Variants in COL19A1 observed in about 807,000 individuals in gnomAD.
COL19A1 encodes the protein collagen alpha-1(XIX) chain.
In COL19A1, 159 loss-of-function variants were observed where a neutral mutation model predicts 190.2. The ratio of observed to expected loss-of-function variants is 0.84; its 90% CI spans 0.73 to 0.95. The LOEUF (loss-of-function observed/expected upper bound fraction) is 0.95, where lower values mean the gene tolerates loss of function less well. COL19A1 is among the 40% of genes least tolerant of loss of function. COL19A1 has a pLI of 0.00. For missense variants in COL19A1, 1,418 were observed against 1,431.9 expected, an observed-to-expected ratio of 0.99 and a Z score of 0.16; for synonymous variants, 509 against 458.9, an observed-to-expected ratio of 1.11 and a Z score of -1.39.
At chr6:70,159,264 T>G (rs1354972082) in intron 34 of COL19A1, among the ~76,000 whole-genome samples, 4 of 152,040 alleles carry the variant, frequency 2.6e-5, no homozygotes, top group Non-Finnish European at 5.9e-5. Context: ...ATTTATAATC[T>G]CCAGTCATTT....
In COL19A1 at chr6:70,152,988, C is replaced by A. The variant is rs544137741; in HGVS notation, c.2079+1550C>A. On this transcript the variant is annotated intron_variant, in intron 31 of 50. Coordinates refer to ENST00000620364, the MANE Select transcript of COL19A1 (RefSeq NM_001858.6). The stretch of plus-strand genomic sequence containing the variant: ...AAGTGGAACTAATTGACAATCTCGC[C>A]CGGGAATCATCCCTCTAATGAGTGT... Among the ~76,000 whole-genome samples the A allele has an allele frequency of 1.5e-4, 23 of 152,176 alleles. No individual in the cohort carries two copies. In the South Asian group the frequency reaches 4.1e-3, roughly 27 times the overall value.
At chr6:69,898,891 T>A in intron 2 of COL19A1, 57 bp from the exon 3 acceptor site, 1 of 988,582 alleles carries the variant, frequency 1.0e-6, no homozygotes. Context: ...GATTGTACTG[T>A]GTAATTAAAA....
intron 2 of COL19A1, among the ~76,000 whole-genome samples, chr6:69,884,271 G>T (rs1181039652): frequency 6.6e-6 from 1 of 151,496 alleles, no homozygotes; most frequent in Non-Finnish European, 1.5e-5. Context: ...GGAGGCAGAG[G>T]TTGCAGTGAG....
chr6:70,075,714 A>G (rs1017503242), intron 15 of COL19A1, among the ~76,000 whole-genome samples: 3 of 152,078 alleles, frequency 2.0e-5, no homozygotes, highest in Non-Finnish European at 4.4e-5. Context: ...TTTCACTCTA[A>G]CTAGTGGTCT....
At chr6:70,076,883 A>C (rs1216894343) in intron 15 of COL19A1, among the ~76,000 whole-genome samples, 1 of 152,212 alleles carries the variant, frequency 6.6e-6, no homozygotes, top group Admixed American at 6.5e-5. Flanking sequence ...AGAACATTAC[A>C]CTGAACACGT....
chr6:70,177,213 C>G (rs1475323753), intron 42 of COL19A1, among the ~76,000 whole-genome samples: 1 of 152,186 alleles, frequency 6.6e-6, no homozygotes, highest in African/African-American at 2.4e-5. Context: ...TGTGGTCACG[C>G]TTTATGAATA....
At chr6:69,874,177 G>A (rs1767995753) in intron 1 of COL19A1, among the ~76,000 whole-genome samples, 1 of 152,172 alleles carries the variant, frequency 6.6e-6, no homozygotes, top group Non-Finnish European at 1.5e-5. Context: ...AGAAGCCTGA[G>A]AACCGCAGGT....
intron 25 of COL19A1, among the ~76,000 whole-genome samples, chr6:70,145,528 G>C (rs1309375685): frequency 6.6e-6 from 1 of 152,042 alleles, no homozygotes; most frequent in Non-Finnish European, 1.5e-5. Flanking sequence ...GACTACTGAT[G>C]GGGGAGAGTT....
At chr6:69,873,479 A>G (rs1767956529) in intron 1 of COL19A1, among the ~76,000 whole-genome samples, 1 of 152,182 alleles carries the variant, frequency 6.6e-6, no homozygotes, top group Non-Finnish European at 1.5e-5. Context: ...AAAAAAAATG[A>G]GGGATGAACT....
intron 2 of COL19A1, among the ~76,000 whole-genome samples, chr6:69,885,728 A>AT (rs56371611): frequency 0.47 from 70,596 of 151,734 alleles, 16,784 homozygotes; most frequent in Middle Eastern, 0.56. Context: ...ATCACACAAT[A>AT]TTTTTTTTCC....
chr6:70,048,658 C>A (rs1440510480), intron 14 of COL19A1, among the ~76,000 whole-genome samples: 1 of 151,978 alleles, frequency 6.6e-6, no homozygotes, highest in Non-Finnish European at 1.5e-5. Flanking sequence ...TTATTTTTTA[C>A]CAGAATTCTT....
intron 13 of COL19A1, among the ~76,000 whole-genome samples, chr6:70,035,466 T>C (rs577641642): frequency 3.8e-4 from 58 of 152,334 alleles, no homozygotes; most frequent in Non-Finnish European, 1.6e-4. Flanking sequence ...GCCATGGGAC[T>C]GCTTCTTGCA....
rs1784905406 is a variant in COL19A1 at position 70,121,912 on chromosome 6, TC to T, written c.1312del (p.Gly439ValfsTer19). ...PPGIQGIHQTLGGYYNKDNKG... is the reference protein window; with the variant it reads ...PPGIQGIHQTXGGYYNKDNKG... Reference sequence around the variant, plus strand: ...CTGGAATACAAGGAATACACCAAACTCTTGGTGGATATTATAACAAGGATAA... The same window carrying T: ...CTGGAATACAAGGAATACACCAAACTTTGGTGGATATTATAACAAGGATAA... On this transcript the variant is annotated frameshift_variant, in exon 17 of 51. Transcript: ENST00000620364. LOFTEE classifies it high-confidence loss of function. The T allele has an allele frequency of 6.3e-7, 1 of 1,591,148 alleles. No homozygotes were observed. Among genetic ancestry groups the T allele is most frequent in the Non-Finnish European group, 8.5e-7 (1 of 1,170,386 alleles).
At chr6:70,057,025 C>T (rs1780544503) in intron 14 of COL19A1, among the ~76,000 whole-genome samples, 1 of 152,034 alleles carries the variant, frequency 6.6e-6, no homozygotes, top group Admixed American at 6.5e-5. Flanking sequence ...CAAAAGTTAC[C>T]CATGATATTA....
intron 11 of COL19A1, among the ~76,000 whole-genome samples, chr6:69,995,318 G>C (rs1776843365): frequency 6.6e-6 from 1 of 152,156 alleles, no homozygotes; most frequent in African/African-American, 2.4e-5. Flanking sequence ...GAAATTCTGA[G>C]AGTATATTAG....
intron 11 of COL19A1, among the ~76,000 whole-genome samples, chr6:70,005,902 GA>G (rs1451838068): frequency 5.3e-5 from 8 of 152,174 alleles, no homozygotes; most frequent in Admixed American, 5.2e-4. Context: ...AGTGAGGAAG[GA>G]TGAGTCAGAG....
intron 16 of COL19A1, among the ~76,000 whole-genome samples, chr6:70,113,634 G>A (rs915728674): frequency 1.3e-5 from 2 of 152,056 alleles, no homozygotes; most frequent in Non-Finnish European, 2.9e-5. Flanking sequence ...AACCTCAAAA[G>A]TTATTTAAGA....
chr6:69,883,105 C>T (rs1768672751), intron 2 of COL19A1, among the ~76,000 whole-genome samples: 1 of 152,134 alleles, frequency 6.6e-6, no homozygotes, highest in Non-Finnish European at 1.5e-5. Flanking sequence ...CACGTGAACA[C>T]CTGGAAAGCA....
chr6:70,153,878 G>C (rs528961693), intron 31 of COL19A1, among the ~76,000 whole-genome samples: 2 of 151,964 alleles, frequency 1.3e-5, no homozygotes, highest in East Asian at 3.9e-4. Flanking sequence ...AAATTCATCT[G>C]GGAAACATTG....
Sources: allele counts gnomAD v4.1 joint callset (sites outside exome capture counted in the v4.1 genomes callset), GRCh38; gene constraint gnomAD v4.1.1; transcripts MANE v1.5; gene names NCBI Gene and HGNC (gene_info 2026-07-23, HGNC 2026-07-21).